GAA: variants seen among roughly 807,000 people sequenced by gnomAD.
The protein encoded by GAA is alpha glucosidase, also known as lysosomal alpha-glucosidase.
Under a neutral mutation model 103.9 loss-of-function variants are expected in GAA, and 88 were observed. The ratio of observed to expected loss-of-function variants is 0.85; its 90% CI spans 0.71 to 1.01. GAA has a LOEUF of 1.01. Among genes scored for constraint, GAA ranks in the 50% least tolerant of loss-of-function variants. The pLI is 0.00. For synonymous variants in GAA, 572 were observed against 563.1 expected (o/e 1.02, Z -0.22); for missense variants, 1,350 against 1,305.3 (o/e 1.03, Z -0.53).
rs2039363813 is a variant in GAA at position 80,116,961 on chromosome 17, C to G, written c.2190-7C>G. On this transcript the variant is annotated splice_region_variant and splice_polypyrimidine_tract_variant and intron_variant, in intron 15 of 19. Transcript: ENST00000302262. ...CCCGTATGCCTGTGTGCCCATCCCC[C>G]TTGCAGGTTCCCCAAGGACTCTAGC... 3 of 1,613,718 alleles carry G rather than the reference C, an allele frequency of 1.9e-6. No homozygotes were observed. Among genetic ancestry groups the G allele is most frequent in the Middle Eastern group, 3.3e-4 (2 of 6,062 alleles).
Position 80,117,067 on chromosome 17 carries a change from G to A in GAA, c.2289G>A (p.Val763=), listed in dbSNP as rs767871949. The change falls in exon 16 of 20, where the codon GTG becomes GTA. Residue 763 remains valine, a synonymous_variant. Coordinates refer to ENST00000302262, the MANE Select transcript of GAA (RefSeq NM_000152.5). ...TGCTCCAGGCCGGGAAGGCCGAAGT[G>A]ACTGGCTACTTCCCCTTGGGCACAT... is the stretch of plus-strand genomic sequence containing the variant. ...TPVLQAGKAE[V]TGYFPLGTWY... 1.2e-6 allele frequency: 2 copies of A among 1,613,418 alleles called. No individual in the cohort carries two copies. Among genetic ancestry groups the A allele is most frequent in the African/African-American group, 2.7e-5 (2 of 75,064 alleles).
intron 14 of GAA, 28 bp from the exon 15 acceptor site, chr17:80,113,190 G>A: frequency 1.3e-6 from 2 of 1,576,370 alleles, no homozygotes. Flanking sequence ...GCACCCAAGT[G>A]CTTCCTTTGC....
At position 80,104,552 on chromosome 17, in the gene GAA, C is replaced by T. The variant is rs1055945806; in HGVS notation, c.-32-3C>T. 1 of 1,582,200 alleles carries T rather than the reference C, an allele frequency of 6.3e-7. No homozygotes were observed. The highest frequency in any genetic ancestry group is 8.6e-7 in the Non-Finnish European group (1 of 1,161,896). On this transcript the variant is annotated splice_region_variant and splice_polypyrimidine_tract_variant and intron_variant, in intron 1 of 19. Transcript: ENST00000302262. This position sits in a 1 kb window ranked among gnomAD's most constrained non-coding sequence, Gnocchi z 4.0. ...CTGCTGAGCCCGCTTTCTTCTCCCG[C>T]AGGCCTGTAGGAGCTGTCCAGGCCA...
chr17:80,111,989 T>G lies in GAA; in HGVS notation c.1643T>G (p.Val548Gly), dbSNP rs754686630. The change falls in exon 12 of 20, where the codon GTT becomes GGT. Residue 548 changes from valine (V) to glycine (G), a missense_variant. Transcript: ENST00000302262. ...CAGCCCCCGCCTCTTCCAGGGGTGG[T>G]TGGGGGGACCCTCCAGGCGGCCACC... ...LENPPYVPGV[V>G]GGTLQAATIC... is the part of the protein sequence containing the mutation. 2.5e-6 allele frequency: 4 copies of G among 1,613,442 alleles called. No homozygotes were observed. The highest frequency in any genetic ancestry group is 3.4e-6 in the Non-Finnish European group (4 of 1,179,764).
At position 80,105,772 on chromosome 17, in the gene GAA, C is replaced by T; in HGVS notation, c.570C>T (p.Arg190=). 3 of 1,612,432 alleles carry T rather than the reference C, an allele frequency of 1.9e-6. No individual in the cohort carries two copies. The highest frequency in any genetic ancestry group is 2.5e-6 in the Non-Finnish European group (3 of 1,179,972). ...AGATCAAAGATCCAGCTAACAGGCG[C>T]TACGAGGTGCCCTTGGAGACCCCGC... ...HFTIKDPANR[R]YEVPLETPHV... Residue 190 remains arginine, a synonymous_variant, in exon 3 of 20, where the codon CGC becomes CGT. Coordinates refer to ENST00000302262, the MANE Select transcript of GAA (RefSeq NM_000152.5).
In GAA at chr17:80,107,551, C is replaced by G; in HGVS notation, c.693-6C>G. The G allele has an allele frequency of 1.9e-6, 3 of 1,612,972 alleles. No homozygotes were observed. The highest frequency in any genetic ancestry group is 1.7e-4 in the Middle Eastern group (1 of 6,060). On this transcript the variant is annotated splice_polypyrimidine_tract_variant and splice_region_variant and intron_variant, in intron 3 of 19. Coordinates refer to ENST00000302262, the MANE Select transcript of GAA (RefSeq NM_000152.5). ...TGAGCAAGCCTGGCTGGCCTCTGTCCCGCAGGCTGAACACGACGGTGGCGC... is the reference window on the plus strand; with the variant it reads ...TGAGCAAGCCTGGCTGGCCTCTGTCGCGCAGGCTGAACACGACGGTGGCGC...
rs753870549 is a variant in GAA at position 80,105,708 on chromosome 17, G to C, written c.547-41G>C. The C allele has an allele frequency of 1.2e-6, 2 of 1,608,514 alleles. No homozygotes were observed. The highest frequency in any genetic ancestry group is 2.7e-5 in the African/African-American group (2 of 74,900). On this transcript the variant is annotated intron_variant, in intron 2 of 19. Coordinates refer to ENST00000302262, the MANE Select transcript of GAA (RefSeq NM_000152.5). ...GTGCGGGTTGTTCTCTGGAGAGTAA[G>C]GTGGCTGTGGGGAACATCAATAAAC...
At position 80,104,658 on chromosome 17, in the gene GAA, TGCACTCCTGGG is replaced by T; in HGVS notation, c.77_87del (p.Leu26HisfsTer5). The T allele has an allele frequency of 6.2e-7, 1 of 1,613,354 alleles. No homozygotes were observed. Among genetic ancestry groups the T allele is most frequent in the Non-Finnish European group, 8.5e-7 (1 of 1,179,986 alleles). ...GCGCCCTCGTGTCCTTGGCAACCGC[TGCACTCCTGGG>T]GCACATCCTACTCCATGATTTCCTG... On this transcript the variant is annotated frameshift_variant, in exon 2 of 20. Coordinates refer to ENST00000302262, the MANE Select transcript of GAA (RefSeq NM_000152.5). LOFTEE classifies it high-confidence loss of function. This position sits in a 1 kb window ranked among gnomAD's most constrained non-coding sequence, Gnocchi z 4.0.
chr17:80,108,928 A>G (rs2039164888), intron 8 of GAA, 100 bp downstream of exon 8: 1 of 1,409,572 alleles, frequency 7.1e-7, no homozygotes, highest in Non-Finnish European at 9.5e-7. Context: ...GTGGTCGCCG[A>G]GGATGTTTTC....
In GAA at chr17:80,107,445, C is replaced by G. The variant is rs2039112565; in HGVS notation, c.693-112C>G. 2.8e-6 allele frequency: 4 copies of G among 1,419,960 alleles called. No homozygotes were observed. The South Asian group carries it at 4.6e-5, about 16-fold the overall frequency. The allele number at this position is 1,419,960 out of a possible 1,614,324, so 88.0% of individuals were successfully genotyped here. ...CAGGGTCAGTGTGCTGCAGGGCTGG[C>G]CAGGCCACTCCGCCCTCCCAGGGCA... On this transcript the variant is annotated intron_variant, in intron 3 of 19. Coordinates refer to ENST00000302262, the MANE Select transcript of GAA (RefSeq NM_000152.5).
chr17:80,118,460 T>C, intron 18 of GAA, 103 bp downstream of exon 18: 2 of 1,459,546 alleles, frequency 1.4e-6, no homozygotes, highest in East Asian at 2.3e-5. Context: ...TACCTGCCAC[T>C]AGGACACTCT....
At chr17:80,103,817 C>T (rs1257524701) in intron 1 of GAA, among the ~76,000 whole-genome samples, 2 of 152,178 alleles carry the variant, frequency 1.3e-5, no homozygotes, top group Non-Finnish European at 2.9e-5. Context: ...GAGTGTCACC[C>T]TCAGCTGCGG....
At position 80,112,614 on chromosome 17, in the gene GAA, G is replaced by C. The variant is rs2039262436; in HGVS notation, c.1791G>C (p.Val597=). The C allele has an allele frequency of 6.8e-6, 11 of 1,612,960 alleles. No individual in the cohort carries two copies. Among genetic ancestry groups the C allele is most frequent in the African/African-American group, 1.3e-5 (1 of 75,036 alleles). The change falls in exon 13 of 20, where the codon GTG becomes GTC. Residue 597 remains valine (V), a synonymous_variant. Transcript: ENST00000302262. The stretch of plus-strand genomic sequence containing the variant: ...AGGCTCGGGGGACACGCCCATTTGT[G>C]ATCTCCCGCTCGACCTTTGCTGGCC... ...LVKARGTRPF[V]ISRSTFAGHG...
chr17:80,109,508 T>C (rs761908666), intron 8 of GAA, among the ~76,000 whole-genome samples: 2 of 152,208 alleles, frequency 1.3e-5, no homozygotes, highest in Non-Finnish European at 2.9e-5. Flanking sequence ...AAGATCCACT[T>C]CAGCAGAGGA....
At chr17:80,114,758 C>G (rs906201728) in intron 15 of GAA, among the ~76,000 whole-genome samples, 1 of 152,168 alleles carries the variant, frequency 6.6e-6, no homozygotes, top group African/African-American at 2.4e-5. Flanking sequence ...GTGGCTTTGA[C>G]TTCTTGTCTA....
At chr17:80,105,453 G>GT (rs2039060546) in intron 2 of GAA, among the ~76,000 whole-genome samples, 2 of 152,320 alleles carry the variant, frequency 1.3e-5, no homozygotes, top group South Asian at 4.1e-4. Flanking sequence ...GCATGACTTT[G>GT]TTTTTTTGTG....
At chr17:80,106,754 AAAAAAT>A (rs1166201032) in intron 3 of GAA, among the ~76,000 whole-genome samples, 2 of 152,136 alleles carry the variant, frequency 1.3e-5, no homozygotes, top group African/African-American at 4.8e-5. Flanking sequence ...CCCATCTCTT[AAAAAAT>A]AAAAATAAAA....
rs1403916199 is a variant in GAA at position 80,104,028 on chromosome 17, C to T, written c.-32-527C>T. ...CCTGAAATCCCAGCACTTCGGAAGGCCAAGGGGGGTGGATCACTTGAGCTC... is the reference window on the plus strand; with the variant it reads ...CCTGAAATCCCAGCACTTCGGAAGGTCAAGGGGGGTGGATCACTTGAGCTC... On this transcript the variant is annotated intron_variant, in intron 1 of 19. Transcript: ENST00000302262. This position sits in a 1 kb window ranked among gnomAD's most constrained non-coding sequence, Gnocchi z 4.0. 1.3e-5 allele frequency among the ~76,000 whole-genome samples: 2 copies of T among 152,174 alleles called. No individual in the cohort carries two copies. Among genetic ancestry groups the T allele is most frequent in the Non-Finnish European group, 2.9e-5 (2 of 68,026 alleles).
At position 80,104,557 on chromosome 17, in the gene GAA, C is replaced by T. The variant is rs753885352; in HGVS notation, c.-30C>T. ...GAGCCCGCTTTCTTCTCCCGCAGGCCTGTAGGAGCTGTCCAGGCCATCTCC... is the reference window on the plus strand; with the variant it reads ...GAGCCCGCTTTCTTCTCCCGCAGGCTTGTAGGAGCTGTCCAGGCCATCTCC... On this transcript the variant is annotated splice_region_variant and 5_prime_UTR_variant, in exon 2 of 20. Transcript: ENST00000302262. This position sits in a 1 kb window ranked among gnomAD's most constrained non-coding sequence, Gnocchi z 4.0. The T allele has an allele frequency of 1.9e-6, 3 of 1,593,284 alleles. No individual in the cohort carries two copies. The highest frequency in any genetic ancestry group is 2.2e-5 in the South Asian group (2 of 89,682).
Sources: gnomAD v4.1 joint callset for allele counts (sites outside exome capture counted in the v4.1 genomes callset) on GRCh38, gnomAD v4.1.1 for gene constraint, Gnocchi (gnomAD v3.1) non-coding constraint, MANE v1.5 for transcripts, NCBI Gene and HGNC (gene_info 2026-07-23, HGNC 2026-07-21) for gene names.